The following MACF1 variants were observed in gnomAD, a reference collection of about 807,000 sequenced individuals.
MACF1 encodes the protein microtubule-actin cross-linking factor 1.
In MACF1, 193 loss-of-function variants were observed where a neutral mutation model predicts 854.8. That is an observed-to-expected ratio of 0.23 (90% confidence interval 0.20 to 0.25). The LOEUF is 0.25. MACF1 is among the 10% of genes least tolerant of loss of function. The pLI, the probability that MACF1 is intolerant of heterozygous loss-of-function variation, is 1.00. For missense variants in MACF1, 7,722 were observed against 8,929.1 expected (o/e 0.86, Z 5.45); for synonymous variants, 3,185 against 3,226.7 (o/e 0.99, Z 0.44).
intron 23 of MACF1, among the ~76,000 whole-genome samples, chr1:39,306,581 T>G (rs1646181210): frequency 6.6e-6 from 1 of 151,738 alleles, no homozygotes; most frequent in Admixed American, 6.6e-5. Context: ...CATTTTTCTT[T>G]TGGAAACATT....
At chr1:39,187,379 C>G (rs969975853) in intron 2 of MACF1, among the ~76,000 whole-genome samples, 1 of 152,086 alleles carries the variant, frequency 6.6e-6, no homozygotes, top group Non-Finnish European at 1.5e-5. Flanking sequence ...TGGAGACATC[C>G]CCCAGGAGCT....
intron 6 of MACF1, among the ~76,000 whole-genome samples, chr1:39,281,332 G>A (rs1163991830): frequency 2.0e-5 from 3 of 151,994 alleles, no homozygotes; most frequent in East Asian, 1.9e-4. Context: ...ACATAGGTGC[G>A]TGTGTATGCC....
At chr1:39,208,547 G>A (rs987800274) in intron 1 of MACF1, among the ~76,000 whole-genome samples, 8 of 152,056 alleles carry the variant, frequency 5.3e-5, no homozygotes, top group African/African-American at 1.7e-4. Context: ...TCTGCCATCC[G>A]GGTTCAAGCG....
intron 2 of MACF1, among the ~76,000 whole-genome samples, chr1:39,156,760 G>A (rs778309180): frequency 6.6e-6 from 1 of 152,042 alleles, no homozygotes; most frequent in African/African-American, 2.4e-5. Context: ...TCTAATTTAC[G>A]GTCTTTAAGC....
intron 91 of MACF1, chr1:39,459,791 G>A (rs1205064077): frequency 2.3e-6 from 3 of 1,298,074 alleles, no homozygotes; most frequent in East Asian, 1.1e-4. Flanking sequence ...AATATCTTTT[G>A]TATTTTTTTA....
At chr1:39,465,044 T>C (rs1644635290) in intron 94 of MACF1, 51 bp from the exon 95 acceptor site, 2 of 1,531,832 alleles carry the variant, frequency 1.3e-6, no homozygotes, top group Non-Finnish European at 1.8e-6. Flanking sequence ...CAAAATGTTC[T>C]CTTTTTTTTT....
Position 39,283,007 on chromosome 1 carries a change from G to A in MACF1, c.696-182G>A, listed in dbSNP as rs1258323094. The A allele has an allele frequency of 5.4e-6, 3 of 557,002 alleles. No homozygotes were observed. In the African/African-American group the frequency reaches 5.7e-5, roughly 11 times the overall value. The allele number at this position is 557,002 out of a possible 1,614,324, so 34.5% of individuals were successfully genotyped here. Reference sequence around the variant, plus strand: ...AACTGTATGTTTAAGTTTAGCATTAGGGAGCACTGGGCCCCTGGTGTATAC... The same window carrying A: ...AACTGTATGTTTAAGTTTAGCATTAAGGAGCACTGGGCCCCTGGTGTATAC... On this transcript the variant is annotated intron_variant, in intron 7 of 100. Coordinates refer to ENST00000564288, the MANE Select transcript of MACF1 (RefSeq NM_001394062.1). This position sits in a 1 kb window ranked among gnomAD's most constrained non-coding sequence, Gnocchi z 4.5.
At chr1:39,280,857 C>T (rs1645529954) in intron 6 of MACF1, among the ~76,000 whole-genome samples, 1 of 152,138 alleles carries the variant, frequency 6.6e-6, no homozygotes, top group Non-Finnish European at 1.5e-5. Context: ...GGATTACAGG[C>T]GTGAGCCACT....
intron 51 of MACF1, among the ~76,000 whole-genome samples, chr1:39,371,042 A>G (rs903972619): frequency 6.6e-6 from 1 of 152,132 alleles, no homozygotes; most frequent in East Asian, 1.9e-4. Context: ...ATTAATGGCC[A>G]GGCGCAGTGG....
intron 6 of MACF1, among the ~76,000 whole-genome samples, chr1:39,277,165 A>C (rs2148371253): frequency 6.6e-6 from 1 of 151,686 alleles, no homozygotes; most frequent in Admixed American, 6.6e-5. Flanking sequence ...AAAAAAAAAA[A>C]AACCCTAATC....
chr1:39,329,197 A>G (rs1571343484), intron 36 of MACF1, among the ~76,000 whole-genome samples: 1 of 152,328 alleles, frequency 6.6e-6, no homozygotes, highest in East Asian at 1.9e-4. Flanking sequence ...ATAGGGAATA[A>G]ATAATACTTT....
At chr1:39,212,186 A>G (rs886699700) in intron 1 of MACF1, among the ~76,000 whole-genome samples, 30 of 151,926 alleles carry the variant, frequency 2.0e-4, no homozygotes, top group African/African-American at 7.3e-4. Flanking sequence ...ACTTTTTCCT[A>G]CCTTTAACAG....
At position 39,379,277 on chromosome 1, in the gene MACF1, C is replaced by A; in HGVS notation, c.13351C>A (p.Arg4451Ser). ...YEKLGGVLHE[R>S]QESLQAILNR... The stretch of plus-strand genomic sequence containing the variant: ...GAAACTAGGGGGAGTACTTCATGAA[C>A]GCCAGGAAAGCCTTCAGGCTATCCT... Residue 4451 changes from arginine (R) to serine (S), a missense_variant, in exon 54 of 101, where the codon CGC becomes AGC. Coordinates refer to ENST00000564288, the MANE Select transcript of MACF1 (RefSeq NM_001394062.1). 1.2e-6 allele frequency: 2 copies of A among 1,612,968 alleles called. No individual in the cohort carries two copies. The highest frequency in any genetic ancestry group is 1.7e-6 in the Non-Finnish European group (2 of 1,179,624).
chr1:39,167,905 G>T (rs920508293), intron 2 of MACF1, among the ~76,000 whole-genome samples: 2 of 151,596 alleles, frequency 1.3e-5, no homozygotes, highest in Non-Finnish European at 2.9e-5. Context: ...AGAGAATTTG[G>T]TTTTTAAAAA....
rs752413585 is a variant in MACF1, at chr1:39,332,240, G to A, written c.5652G>A (p.Gln1884=). Reference sequence around the variant, plus strand: ...CACATAAAATCCTTAGTAACCGACAGCATATTAAGGCTCTGTTTCTACCAG... The same window carrying A: ...CACATAAAATCCTTAGTAACCGACAACATATTAAGGCTCTGTTTCTACCAG... ...ELAHKILSNR[Q]HIKALFLPAT... Residue 1884 remains glutamine (Q), a synonymous_variant, in exon 37 of 101, where the codon CAG becomes CAA. Transcript: ENST00000564288. 20 of 1,613,850 alleles carry A rather than the reference G, an allele frequency of 1.2e-5. No homozygotes were observed. The highest frequency in any genetic ancestry group is 1.7e-5 in the Admixed American group (1 of 59,992).
chr1:39,086,622 C>T (rs1019897190), intron 2 of MACF1, among the ~76,000 whole-genome samples: 12 of 152,178 alleles, frequency 7.9e-5, no homozygotes, highest in African/African-American at 2.9e-4. Context: ...ATCACTCATG[C>T]ATACTTAGAT....
chr1:39,121,800 T>G (rs780180780), intron 2 of MACF1, among the ~76,000 whole-genome samples: 22 of 152,154 alleles, frequency 1.4e-4, no homozygotes, highest in Non-Finnish European at 2.6e-4. Context: ...GTAACCTTAC[T>G]AGATTTTACA....
chr1:39,117,036 G>T (rs1163997262), intron 2 of MACF1, among the ~76,000 whole-genome samples: 3 of 152,206 alleles, frequency 2.0e-5, no homozygotes, highest in African/African-American at 7.2e-5. Flanking sequence ...TGTGGAAAAT[G>T]CAGCCTCCTT....
intron 2 of MACF1, among the ~76,000 whole-genome samples, chr1:39,150,963 G>C (rs569285086): frequency 2.0e-5 from 3 of 152,116 alleles, no homozygotes; most frequent in Non-Finnish European, 2.9e-5. Context: ...TTCAACTGCT[G>C]TGGTGACTCT....
Sources: allele counts gnomAD v4.1 joint callset (sites outside exome capture counted in the v4.1 genomes callset), GRCh38; gene constraint gnomAD v4.1.1; non-coding constraint Gnocchi (gnomAD v3.1); transcripts MANE v1.5; gene names NCBI Gene and HGNC (gene_info 2026-07-23, HGNC 2026-07-21).